The following MTMR7 variants were observed in gnomAD, a reference collection of about 807,000 sequenced individuals.
MTMR7 encodes the protein myotubularin related protein 7.
Under a neutral mutation model 81.2 loss-of-function variants are expected in MTMR7, and 76 were observed. The ratio of observed to expected loss-of-function variants is 0.94; its 90% CI spans 0.78 to 1.13. The LOEUF (loss-of-function observed/expected upper bound fraction) is 1.13, where lower values mean the gene tolerates loss of function less well. Among genes scored for constraint, MTMR7 ranks in the 50% most tolerant of loss-of-function variants. The pLI, the probability that MTMR7 is intolerant of heterozygous loss-of-function variation, is 0.00. For synonymous variants in MTMR7, 372 were observed against 289.8 expected (o/e 1.28, Z -2.88); for missense variants, 1,044 against 820.0 (o/e 1.27, Z -3.34).
intron 1 of MTMR7, among the ~76,000 whole-genome samples, chr8:17,405,106 C>A (rs999749024): frequency 6.6e-6 from 1 of 152,372 alleles, no homozygotes; most frequent in South Asian, 2.1e-4. Flanking sequence ...TCCGCCTTGG[C>A]CTCCCAAAGT....
chr8:17,350,379 G>A (rs1819691531), intron 4 of MTMR7, among the ~76,000 whole-genome samples: 1 of 152,236 alleles, frequency 6.6e-6, no homozygotes. Context: ...AGGTGAAGGA[G>A]GAGCAGAGGC....
At chr8:17,378,329 G>A (rs1209742762) in intron 1 of MTMR7, among the ~76,000 whole-genome samples, 1 of 152,138 alleles carries the variant, frequency 6.6e-6, no homozygotes, top group South Asian at 2.1e-4. Flanking sequence ...TCTTAGAAAC[G>A]TTATGAAGTC....
chr8:17,329,871 C>A (rs750423833), intron 7 of MTMR7, among the ~76,000 whole-genome samples: 3 of 152,276 alleles, frequency 2.0e-5, no homozygotes, highest in South Asian at 2.1e-4. Context: ...GGTATTGTCA[C>A]TGTGACCTGA....
intron 1 of MTMR7, among the ~76,000 whole-genome samples, chr8:17,398,572 G>A (rs910494926): frequency 3.9e-5 from 6 of 152,038 alleles, no homozygotes; most frequent in Admixed American, 6.6e-5. Context: ...AGCCTCAAAC[G>A]GGCAAATCTA....
intron 12 of MTMR7, among the ~76,000 whole-genome samples, chr8:17,304,083 T>A (rs1356744866): frequency 1.3e-5 from 2 of 152,210 alleles, no homozygotes; most frequent in African/African-American, 4.8e-5. Context: ...CTTAAGGCAT[T>A]TGCATTATTC....
chr8:17,391,206 C>G (rs1231736699), intron 1 of MTMR7, among the ~76,000 whole-genome samples: 1 of 152,050 alleles, frequency 6.6e-6, no homozygotes. Flanking sequence ...ATGGACAAAC[C>G]TTGTAGGGCC....
intron 7 of MTMR7, among the ~76,000 whole-genome samples, chr8:17,330,205 C>T (rs1276466371): frequency 1.3e-5 from 2 of 152,236 alleles, no homozygotes; most frequent in Non-Finnish European, 2.9e-5. Flanking sequence ...GCTTAAGTAA[C>T]TGAGAGCAAA....
At chr8:17,345,175 G>A (rs1167209968) in intron 5 of MTMR7, among the ~76,000 whole-genome samples, 3 of 152,088 alleles carry the variant, frequency 2.0e-5, no homozygotes, top group East Asian at 1.9e-4. Flanking sequence ...GTGTTGCTTC[G>A]ACATCTGGTA....
chr8:17,408,453 A>G (rs1821655926), intron 1 of MTMR7, among the ~76,000 whole-genome samples: 1 of 151,740 alleles, frequency 6.6e-6, no homozygotes, highest in Admixed American at 6.6e-5. Flanking sequence ...ATTTCAGAAG[A>G]CTTCCTTTCT....
intron 1 of MTMR7, among the ~76,000 whole-genome samples, chr8:17,388,319 A>C (rs901865696): frequency 1.3e-5 from 2 of 152,236 alleles, no homozygotes; most frequent in South Asian, 4.1e-4. Flanking sequence ...AGAGGAAAAG[A>C]AGAAAAAAGA....
At chr8:17,338,546 G>C (rs1819317494) in intron 6 of MTMR7, among the ~76,000 whole-genome samples, 1 of 152,056 alleles carries the variant, frequency 6.6e-6, no homozygotes, top group Non-Finnish European at 1.5e-5. Context: ...GTAACTATTA[G>C]GAAATTCAAA....
chr8:17,402,647 T>C lies in MTMR7; in HGVS notation c.24+10622A>G, dbSNP rs571779837. The stretch of plus-strand genomic sequence containing the variant: ...ATTGTATATATGTACTACGTTTTCT[T>C]TATACATTCGTCTGTTGATGGCCAC... On this transcript the variant is annotated intron_variant, in intron 1 of 13. Transcript: ENST00000180173. Among the ~76,000 whole-genome samples, 5 of 152,348 alleles carry C rather than the reference T, an allele frequency of 3.3e-5. No homozygotes were observed. In the East Asian group the frequency reaches 9.6e-4, roughly 29 times the overall value.
At chr8:17,397,984 G>C (rs1124160) in intron 1 of MTMR7, among the ~76,000 whole-genome samples, 1 of 152,050 alleles carries the variant, frequency 6.6e-6, no homozygotes, top group Non-Finnish European at 1.5e-5. Context: ...CAGTACCTCC[G>C]TGAGTCTGCA....
intron 4 of MTMR7, among the ~76,000 whole-genome samples, chr8:17,354,384 C>A (rs1376914109): frequency 6.6e-6 from 1 of 152,104 alleles, no homozygotes; most frequent in Non-Finnish European, 1.5e-5. Context: ...TAGATTAAAA[C>A]TTTAACCTAG....
chr8:17,384,426 T>C, intron 1 of MTMR7, among the ~76,000 whole-genome samples: 1 of 151,984 alleles, frequency 6.6e-6, no homozygotes, highest in East Asian at 1.9e-4. Flanking sequence ...AATAAATAAA[T>C]AAATAATTAT....
intron 1 of MTMR7, among the ~76,000 whole-genome samples, chr8:17,410,927 A>G (rs1821720050): frequency 6.6e-6 from 1 of 152,150 alleles, no homozygotes; most frequent in African/African-American, 2.4e-5. Context: ...AGAAAAACAA[A>G]CTTTGTATAC....
intron 1 of MTMR7, among the ~76,000 whole-genome samples, chr8:17,391,870 C>G (rs1433600734): frequency 1.3e-5 from 2 of 152,114 alleles, no homozygotes; most frequent in Non-Finnish European, 2.9e-5. Flanking sequence ...TATTTTTAAA[C>G]CATTTTAAAT....
chr8:17,376,137 G>C (rs1194807167), intron 1 of MTMR7, among the ~76,000 whole-genome samples: 9 of 152,218 alleles, frequency 5.9e-5, no homozygotes, highest in Admixed American at 2.0e-4. Flanking sequence ...CTATAGATTT[G>C]CCTATTCTGA....
intron 1 of MTMR7, among the ~76,000 whole-genome samples, chr8:17,389,633 A>G (rs529386884): frequency 6.6e-6 from 1 of 152,388 alleles, no homozygotes; most frequent in South Asian, 2.1e-4. Context: ...GTGATGGCTT[A>G]TAGGTAGAAT....
Sources: allele counts gnomAD v4.1 joint callset (sites outside exome capture counted in the v4.1 genomes callset), GRCh38; gene constraint gnomAD v4.1.1; transcripts MANE v1.5; gene names NCBI Gene and HGNC (gene_info 2026-07-23, HGNC 2026-07-21).